ANKRD26: variants seen among roughly 807,000 people sequenced by gnomAD.
ANKRD26 encodes ankyrin repeat domain-containing protein 26.
ANKRD26 carries 141 observed loss-of-function variants against 208.7 expected under a neutral mutation model. The observed-to-expected ratio is 0.68, with a 90% CI of 0.59 to 0.78. ANKRD26 has a LOEUF of 0.78. Ranked by LOEUF, ANKRD26 falls within the 30% of genes least tolerant of loss-of-function variation. ANKRD26 has a pLI of 0.00. For synonymous variants in ANKRD26, 636 were observed against 660.4 expected (o/e 0.96, Z 0.57); for missense variants, 1,889 against 1,938.7 (o/e 0.97, Z 0.48).
chr10:27,015,143 C>T (rs528280160), intron 30 of ANKRD26, among the ~76,000 whole-genome samples: 1 of 152,216 alleles, frequency 6.6e-6, no homozygotes, highest in Admixed American at 6.5e-5. Flanking sequence ...AAAATATATT[C>T]ATGGGGAAGA....
At chr10:27,059,377 T>C (rs538616964) in intron 15 of ANKRD26, among the ~76,000 whole-genome samples, 6 of 152,198 alleles carry the variant, frequency 3.9e-5, no homozygotes, top group Admixed American at 6.5e-5. Flanking sequence ...TGAAGAATGA[T>C]ATGTACAATG....
At chr10:27,084,146 G>A (rs2056027578) in intron 5 of ANKRD26, among the ~76,000 whole-genome samples, 1 of 150,346 alleles carries the variant, frequency 6.7e-6, no homozygotes, top group African/African-American at 2.5e-5. Context: ...CCAGAAGGCG[G>A]AGGTTGCAGT....
At position 27,040,029 on chromosome 10, in the gene ANKRD26, T is replaced by C; in HGVS notation, c.2311A>G (p.Lys771Glu). The C allele has an allele frequency of 3.7e-6, 6 of 1,613,834 alleles. No homozygotes were observed. The highest frequency in any genetic ancestry group is 5.1e-6 in the Non-Finnish European group (6 of 1,179,906). The change falls in exon 21 of 34, where the codon AAA (lysine) becomes GAA (glutamate). Residue 771 changes from lysine (K) to glutamate (E), a missense_variant. By Grantham distance (56) the Lys-to-Glu change is moderately conservative (BLOSUM62 1). Around this residue, in one of 3 missense-constraint regions of ANKRD26, gnomAD observed 1,272 missense variants for 1,273.8 expected, o/e 1.00. Transcript: ENST00000376087. The stretch of plus-strand genomic sequence containing the variant: ...TGCTCTAACTGTGATTTTATTTCTT[T>C]TGTTTCAGATAGCTCCCTTTGTAGT... ...NVLQRELSET[K>E]EIKSQLEHQK...
chr10:26,997,156 C>T (rs966230976), intron 4 of ANKRD26, among the ~76,000 whole-genome samples: 5 of 152,026 alleles, frequency 3.3e-5, no homozygotes, highest in Admixed American at 6.5e-5. Context: ...GTGGGACAGA[C>T]TGAGTGGGTC....
In ANKRD26 at chr10:27,060,935, G is replaced by A. The variant is rs1162111889; in HGVS notation, c.1462+209C>T. Among the ~76,000 whole-genome samples the A allele has an allele frequency of 2.0e-5, 3 of 152,162 alleles. No homozygotes were observed. In the East Asian group the frequency reaches 5.8e-4, roughly 29 times the overall value. On this transcript the variant is annotated intron_variant, in intron 13 of 33. Coordinates refer to ENST00000376087, the MANE Select transcript of ANKRD26 (RefSeq NM_014915.3). ...TAAAATGCGACAGCATATCTTTAAT[G>A]CAACACATCAGAATCATTTATACCA...
chr10:26,993,434 T>A (rs1436196784), intron 5 of ANKRD26, among the ~76,000 whole-genome samples: 2 of 152,196 alleles, frequency 1.3e-5, no homozygotes, highest in Non-Finnish European at 2.9e-5. Flanking sequence ...CTTTGTGTGG[T>A]TTCTTTCTTT....
chr10:27,069,749 A>C (rs965511381), intron 9 of ANKRD26, among the ~76,000 whole-genome samples: 2 of 152,226 alleles, frequency 1.3e-5, no homozygotes, highest in African/African-American at 4.8e-5. Context: ...ATGAACCTAC[A>C]CAGAACTCTG....
chr10:27,003,563 C>T (rs951133130), downstream of ANKRD26, among the ~76,000 whole-genome samples: 12 of 152,098 alleles, frequency 7.9e-5, no homozygotes, highest in Non-Finnish European at 1.2e-4. Context: ...AGTAGCTTAA[C>T]CATGGACAAA....
chr10:27,058,103 A>T (rs2135422515), intron 15 of ANKRD26, among the ~76,000 whole-genome samples: 2 of 152,320 alleles, frequency 1.3e-5, no homozygotes, highest in Middle Eastern at 3.4e-3. Context: ...TTTATAAACA[A>T]AATTGTTGGA....
intron 32 of ANKRD26, among the ~76,000 whole-genome samples, chr10:27,010,458 T>G (rs923495947): frequency 6.6e-6 from 1 of 152,170 alleles, no homozygotes; most frequent in African/African-American, 2.4e-5. Context: ...AAATTTTATA[T>G]TTGCATCATG....
rs755646041 is a variant in ANKRD26, at chr10:27,037,311, G to A, written c.2572C>T (p.Arg858Ter). 1.7e-5 allele frequency: 28 copies of A among 1,613,558 alleles called. No individual in the cohort carries two copies. In the African/African-American group the frequency reaches 2.7e-4, roughly 15 times the overall value. ...GAAAGTTGCCTCTGAGCGTCATTTC[G>A]CTCTTGAACGACCTAGAGATACATT... ...KSNLNQVVQERNDAQRQLSRE... is the reference protein window; with the variant it reads ...KSNLNQVVQE Residue 858 changes from arginine to a stop codon, truncating the protein, a stop_gained, in exon 23 of 34, where the codon CGA (arginine) becomes TGA (stop). Transcript: ENST00000376087. LOFTEE classifies it high-confidence loss of function.
At chr10:26,970,779 G>A (rs558544411), downstream of ANKRD26, among the ~76,000 whole-genome samples, 2 of 152,224 alleles carry the variant, frequency 1.3e-5, no homozygotes, top group East Asian at 1.9e-4. Flanking sequence ...ATACACTCTC[G>A]CCCGTTTATA....
chr10:26,951,569 T>C, the ANKRD26 span, among the ~76,000 whole-genome samples: 2 of 152,190 alleles, frequency 1.3e-5, no homozygotes, highest in East Asian at 1.9e-4. Flanking sequence ...CACAGGACAG[T>C]TTTTAGTTTC....
chr10:26,964,933 T>G, the ANKRD26 span, among the ~76,000 whole-genome samples: 1 of 152,182 alleles, frequency 6.6e-6, no homozygotes, highest in Non-Finnish European at 1.5e-5. Context: ...CTTCATTTAG[T>G]TTAAAGAATC....
At chr10:27,045,355 C>T (rs140235912) in intron 18 of ANKRD26, among the ~76,000 whole-genome samples, 9 of 150,032 alleles carry the variant, frequency 6.0e-5, no homozygotes, top group African/African-American at 2.2e-4. Context: ...ACCCAGGAGA[C>T]GGAGGTTGCA....
At chr10:26,971,451 G>C (rs2052141264), downstream of ANKRD26, among the ~76,000 whole-genome samples, 1 of 152,030 alleles carries the variant, frequency 6.6e-6, no homozygotes, top group Admixed American at 6.5e-5. Context: ...GAGGTTGGCA[G>C]ATCACCTGAG....
intron 33 of ANKRD26, among the ~76,000 whole-genome samples, chr10:27,006,349 G>T (rs1351235668): frequency 6.6e-6 from 1 of 152,190 alleles, no homozygotes; most frequent in Non-Finnish European, 1.5e-5. Context: ...TGAGAAATAA[G>T]GTTGAATAAC....
At chr10:27,001,202 C>T (rs1033769952), downstream of ANKRD26, among the ~76,000 whole-genome samples, 10 of 152,112 alleles carry the variant, frequency 6.6e-5, no homozygotes, top group Non-Finnish European at 1.5e-4. Flanking sequence ...AGTATGGGGA[C>T]TAAGCCTGGA....
chr10:27,051,502 C>T (rs1274038651), intron 16 of ANKRD26: 26 of 1,041,232 alleles, frequency 2.5e-5, no homozygotes, highest in Non-Finnish European at 2.8e-5. Flanking sequence ...ACACCTGTAA[C>T]TACTTCTGGG....
Sources: allele counts gnomAD v4.1 joint callset (sites outside exome capture counted in the v4.1 genomes callset), GRCh38; gene constraint gnomAD v4.1.1; regional missense constraint gnomAD v4.1.1; transcripts MANE v1.5; gene names NCBI Gene and HGNC (gene_info 2026-07-23, HGNC 2026-07-21).